RAB31: variants seen among roughly 807,000 people sequenced by gnomAD.
RAB31 encodes the protein RAB31, member RAS oncogene family, also known as ras-related protein Rab-31.
In RAB31, 21 loss-of-function variants were observed where a neutral mutation model predicts 25.6. That is an observed-to-expected ratio of 0.82 (90% CI 0.58 to 1.18). RAB31 has a LOEUF of 1.18. RAB31 is among the 50% of genes most tolerant of loss of function. The pLI is 0.00. For missense variants in RAB31, 196 were observed against 250.1 expected (o/e 0.78, Z 1.46); for synonymous variants, 87 against 84.0 (o/e 1.04, Z -0.20).
intron 1 of RAB31, among the ~76,000 whole-genome samples, chr18:9,738,487 G>T (rs1387865136): frequency 6.6e-6 from 1 of 152,190 alleles, no homozygotes; most frequent in Non-Finnish European, 1.5e-5. Context: ...ACGTCATGAA[G>T]TTTCCATAAA....
At position 9,859,572 on chromosome 18, in the gene RAB31, T is replaced by C; in HGVS notation, c.*247T>C. The C allele has an allele frequency of 2.8e-6, 1 of 361,156 alleles. No homozygotes were observed. Among genetic ancestry groups the C allele is most frequent in the Non-Finnish European group, 4.9e-6 (1 of 205,502 alleles). 22.4% of individuals were successfully genotyped at this position (361,156 alleles called of 1,614,324 possible). ...GTGTATGAAATGCACATGGAGGGGA[T>C]GTAGTTGCATTTTTGCTAAAAAAAA... is the stretch of plus-strand genomic sequence containing the variant. On this transcript the variant is annotated 3_prime_UTR_variant, in exon 7 of 7. Transcript: ENST00000578921.
At chr18:9,710,136 G>A (rs918365245) in intron 1 of RAB31, among the ~76,000 whole-genome samples, 2 of 152,124 alleles carry the variant, frequency 1.3e-5, no homozygotes, top group Non-Finnish European at 2.9e-5. Flanking sequence ...CCTCCTACCA[G>A]GACACTGATC....
At chr18:9,715,938 T>A (rs2068042236) in intron 1 of RAB31, among the ~76,000 whole-genome samples, 1 of 152,188 alleles carries the variant, frequency 6.6e-6, no homozygotes, top group Admixed American at 6.5e-5. Flanking sequence ...ATGTGTCTTT[T>A]AGGAAAAAGG....
intron 1 of RAB31, among the ~76,000 whole-genome samples, chr18:9,751,717 C>T (rs981282146): frequency 6.6e-6 from 1 of 152,060 alleles, no homozygotes; most frequent in Non-Finnish European, 1.5e-5. Context: ...AGCTGGTGCA[C>T]GTAAAAAAGT....
chr18:9,807,933 G>A (rs1231589000), intron 3 of RAB31, among the ~76,000 whole-genome samples: 5 of 152,164 alleles, frequency 3.3e-5, no homozygotes, highest in African/African-American at 2.4e-5. Context: ...AGCCGTGGTG[G>A]CACCACTGTA....
chr18:9,731,603 T>TTC lies in RAB31; in HGVS notation c.39+23160_39+23161insCT, dbSNP rs1451785186. Among the ~76,000 whole-genome samples the TTC allele has an allele frequency of 2.0e-5, 3 of 148,148 alleles. No homozygotes were observed. In the East Asian group the frequency reaches 5.9e-4, roughly 29 times the overall value. ...AACCTTTCTGGGAATTTGCTTTTTT[T>TTC]TTTTTTTTTTTTGAGGCAGAGTCTA... is the stretch of plus-strand genomic sequence containing the variant. On this transcript the variant is annotated intron_variant, in intron 1 of 6. Transcript: ENST00000578921.
chr18:9,712,694 C>A (rs1017363837), intron 1 of RAB31, among the ~76,000 whole-genome samples: 7 of 151,796 alleles, frequency 4.6e-5, no homozygotes, highest in South Asian at 4.2e-4. Context: ...AAGGAGGGGA[C>A]CTTTGTTTTG....
chr18:9,739,327 C>T (rs1251512492), intron 1 of RAB31, among the ~76,000 whole-genome samples: 1 of 152,092 alleles, frequency 6.6e-6, no homozygotes, highest in Admixed American at 6.5e-5. Context: ...AAAAAATTAG[C>T]TGGGTGTGGT....
At chr18:9,847,174 T>C (rs1002756582) in intron 6 of RAB31, among the ~76,000 whole-genome samples, 5 of 152,254 alleles carry the variant, frequency 3.3e-5, no homozygotes, top group African/African-American at 4.8e-5. Context: ...ACTCATTACA[T>C]TAGCCTCACA....
intron 5 of RAB31, among the ~76,000 whole-genome samples, chr18:9,824,634 G>T (rs911897525): frequency 1.3e-5 from 2 of 152,200 alleles, no homozygotes; most frequent in African/African-American, 4.8e-5. Flanking sequence ...AGAAGTACTT[G>T]GCAGAGATGC....
chr18:9,769,006 G>C (rs545621138), intron 1 of RAB31, among the ~76,000 whole-genome samples: 21 of 152,244 alleles, frequency 1.4e-4, no homozygotes, highest in African/African-American at 4.8e-4. Context: ...GATGTTTGTA[G>C]ATGTATGGCA....
At chr18:9,858,552 C>A (rs1369142951) in intron 6 of RAB31, among the ~76,000 whole-genome samples, 1 of 152,076 alleles carries the variant, frequency 6.6e-6, no homozygotes, top group Non-Finnish European at 1.5e-5. Flanking sequence ...CCTTCCATTG[C>A]CTGTTTAATT....
At chr18:9,845,456 G>C (rs745400804) in intron 5 of RAB31, 126 bp from the exon 6 acceptor site, 38 of 814,516 alleles carry the variant, frequency 4.7e-5, no homozygotes, top group Non-Finnish European at 4.9e-5. Flanking sequence ...TTCTTGCTGA[G>C]TGATTGAATT....
rs2068419418 is a variant in RAB31, at chr18:9,784,103, C to T, written c.120-8051C>T. The stretch of plus-strand genomic sequence containing the variant: ...CCAAGCTGGAGTGCAGTGGCACAAT[C>T]ATGGCTCACTGTACCCTTGACCTCC... On this transcript the variant is annotated intron_variant, in intron 2 of 6. Transcript: ENST00000578921. Among the ~76,000 whole-genome samples the T allele has an allele frequency of 2.0e-5, 3 of 152,168 alleles. No individual in the cohort carries two copies. The South Asian group carries it at 6.2e-4, about 31-fold the overall frequency.
intron 6 of RAB31, among the ~76,000 whole-genome samples, chr18:9,850,251 C>T (rs1162961138): frequency 6.6e-6 from 1 of 152,122 alleles, no homozygotes; most frequent in African/African-American, 2.4e-5. Context: ...ATATAGGATT[C>T]TGGATTGTGG....
At chr18:9,783,489 G>T (rs2068416152) in intron 2 of RAB31, among the ~76,000 whole-genome samples, 1 of 152,084 alleles carries the variant, frequency 6.6e-6, no homozygotes. Context: ...AGGGTAGTAG[G>T]GTTGCTGTAT....
At chr18:9,716,401 G>A (rs2068044729) in intron 1 of RAB31, among the ~76,000 whole-genome samples, 1 of 152,210 alleles carries the variant, frequency 6.6e-6, no homozygotes, top group Non-Finnish European at 1.5e-5. Flanking sequence ...TTCTGCAAGT[G>A]TCAGGCAGTG....
chr18:9,727,195 A>G (rs2068099964), intron 1 of RAB31, among the ~76,000 whole-genome samples: 1 of 152,192 alleles, frequency 6.6e-6, no homozygotes, highest in East Asian at 1.9e-4. Context: ...GTGGGCCCGT[A>G]TGCCCTGGTG....
At chr18:9,780,903 C>A (rs1402642133) in intron 2 of RAB31, among the ~76,000 whole-genome samples, 1 of 152,062 alleles carries the variant, frequency 6.6e-6, no homozygotes, top group African/African-American at 2.4e-5. Context: ...TGCACTCTAG[C>A]CTGGGTGACA....
Sources: gnomAD v4.1 joint callset for allele counts (sites outside exome capture counted in the v4.1 genomes callset) on GRCh38, gnomAD v4.1.1 for gene constraint, MANE v1.5 for transcripts, NCBI Gene and HGNC (gene_info 2026-07-23, HGNC 2026-07-21) for gene names.